NEMP1: variants seen among roughly 807,000 people sequenced by gnomAD.
The protein encoded by NEMP1 is transmembrane protein 194.
In NEMP1, 29 loss-of-function variants were observed where a neutral mutation model predicts 53.7. The ratio of observed to expected loss-of-function variants is 0.54; its 90% CI spans 0.40 to 0.74. The LOEUF (loss-of-function observed/expected upper bound fraction) is 0.74. NEMP1 is among the 30% of genes least tolerant of loss of function. The pLI is 0.00. For missense variants in NEMP1, 477 were observed against 528.6 expected (o/e 0.90, Z 0.96); for synonymous variants, 193 against 192.9 (o/e 1.00, Z 0.00).
intron 1 of NEMP1, among the ~76,000 whole-genome samples, chr12:57,084,206 C>T (rs2032929223): frequency 6.6e-6 from 1 of 152,200 alleles, no homozygotes; most frequent in Non-Finnish European, 1.5e-5. Context: ...AGGTGATCCA[C>T]CCACCTCAGC....
chr12:57,087,710 C>G (rs2033054067), intron 1 of NEMP1, among the ~76,000 whole-genome samples: 1 of 152,152 alleles, frequency 6.6e-6, no homozygotes, highest in South Asian at 2.1e-4. Context: ...AAAACCAGCC[C>G]CGGTCCACGG....
intron 1 of NEMP1, among the ~76,000 whole-genome samples, chr12:57,073,967 TA>T (rs1239174955): frequency 2.0e-5 from 3 of 150,762 alleles, no homozygotes; most frequent in East Asian, 1.9e-4. Context: ...TTTTTTATTT[TA>T]TTTTTTTATT....
chr12:57,056,337 A>T lies in NEMP1; in HGVS notation c.*3542T>A, dbSNP rs1192923327. 3 of 151,770 alleles carry T rather than the reference A, an allele frequency of 2.0e-5. No homozygotes were observed. The highest frequency in any genetic ancestry group is 4.8e-5 in the African/African-American group (2 of 41,310). The allele number at this position is 151,770 out of a possible 1,614,324, so 9.4% of individuals were successfully genotyped here. On this transcript the variant is annotated 3_prime_UTR_variant, in exon 9 of 9. Transcript: ENST00000300128. ...TTATATAGGTTCCCCTAAAAAAATAAAAAAAAAATCAATTTCTGCTATGTA... is the reference window on the plus strand; with the variant it reads ...TTATATAGGTTCCCCTAAAAAAATATAAAAAAAATCAATTTCTGCTATGTA...
chr12:57,061,174 T>A (rs954752611), intron 7 of NEMP1, among the ~76,000 whole-genome samples: 1 of 152,080 alleles, frequency 6.6e-6, no homozygotes, highest in East Asian at 1.9e-4. Flanking sequence ...AAAAAAGTGA[T>A]ATAATTTGCA....
In NEMP1 at chr12:57,058,206, C is replaced by T. The variant is rs1045641089; in HGVS notation, c.*1673G>A. The T allele has an allele frequency of 6.6e-6, 1 of 152,174 alleles. No homozygotes were observed. Among genetic ancestry groups the T allele is most frequent in the African/African-American group, 2.4e-5 (1 of 41,424 alleles). The allele number at this position is 152,174 out of a possible 1,614,324, so 9.4% of individuals were successfully genotyped here. On this transcript the variant is annotated 3_prime_UTR_variant, in exon 9 of 9. Coordinates refer to ENST00000300128, the MANE Select transcript of NEMP1 (RefSeq NM_001130963.2). ...GGACAGTTTAAGGCTCTGGAAAACA[C>T]TGGTGGAAATAATCAACTGCCCACC... is the stretch of plus-strand genomic sequence containing the variant.
intron 2 of NEMP1, among the ~76,000 whole-genome samples, chr12:57,071,107 C>G (rs537356260): frequency 6.6e-6 from 1 of 152,234 alleles, no homozygotes; most frequent in South Asian, 2.1e-4. Flanking sequence ...GTTAGAATAC[C>G]TTCTTGTTAA....
chr12:57,063,186 T>C lies in NEMP1; in HGVS notation c.913A>G (p.Ile305Val), dbSNP rs1018133844. 3.1e-6 allele frequency: 5 copies of C among 1,614,156 alleles called. No individual in the cohort carries two copies. The highest frequency in any genetic ancestry group is 4.2e-6 in the Non-Finnish European group (5 of 1,180,016). ...TTAGTACAAAGAGCAATGATGATAA[T>C]GGCAAGGGCAATATGTGGTATCTGG... ...GIQIPHIALA[I>V]IIIALCTKNL... The change falls in exon 7 of 9, where the codon ATT (isoleucine) becomes GTT (valine). Residue 305 changes from isoleucine (I) to valine (V), a missense_variant. Transcript: ENST00000300128.
chr12:57,087,854 C>T (rs1321279093), intron 1 of NEMP1: 3 of 152,266 alleles, frequency 2.0e-5, no homozygotes, highest in African/African-American at 7.2e-5. Context: ...CCCACCCCCC[C>T]TCCTTTCCCT....
At position 57,072,921 on chromosome 12, in the gene NEMP1, A is replaced by G; in HGVS notation, c.128-9T>C. ...ATTTACATCAGTTTCAGCTTTATGC[A>G]AAGAAAGGAAACAAGAATTAAACAT... On this transcript the variant is annotated splice_polypyrimidine_tract_variant and intron_variant, in intron 1 of 8. Coordinates refer to ENST00000300128, the MANE Select transcript of NEMP1 (RefSeq NM_001130963.2). The G allele has an allele frequency of 6.3e-7, 1 of 1,599,834 alleles. No individual in the cohort carries two copies. The highest frequency in any genetic ancestry group is 8.5e-7 in the Non-Finnish European group (1 of 1,172,910).
chr12:57,074,309 T>C (rs866662869), intron 1 of NEMP1, among the ~76,000 whole-genome samples: 361 of 136,752 alleles, frequency 2.6e-3, no homozygotes, highest in Middle Eastern at 4.1e-3. Flanking sequence ...TTTTTTTTTT[T>C]CAGACAGGGT....
rs1344111754 is a variant in NEMP1 at position 57,056,378 on chromosome 12, G to A, written c.*3501C>T. 2 of 152,082 alleles carry A rather than the reference G, an allele frequency of 1.3e-5. No individual in the cohort carries two copies. Among genetic ancestry groups the A allele is most frequent in the Admixed American group, 1.3e-4 (2 of 15,268 alleles). 9.4% of individuals were successfully genotyped at this position (152,082 alleles called of 1,614,324 possible). A position where few individuals can be genotyped will look rare whatever the true frequency, so the allele number is the denominator to read the frequency against. ...CTGCTATGTAGAAAAAGAAACAAAAGGTTTAGGTGCCTTTGCCTTGTGCAA... is the reference window on the plus strand; with the variant it reads ...CTGCTATGTAGAAAAAGAAACAAAAAGTTTAGGTGCCTTTGCCTTGTGCAA... On this transcript the variant is annotated 3_prime_UTR_variant, in exon 9 of 9. Transcript: ENST00000300128.
upstream of NEMP1, among the ~76,000 whole-genome samples, chr12:57,078,988 G>C (rs2032763301): frequency 6.6e-6 from 1 of 152,212 alleles, no homozygotes; most frequent in Admixed American, 6.5e-5. Context: ...GTGGCGACAG[G>C]AAGATCCCAC....
At chr12:57,086,537 C>CCA (rs958567780) in intron 1 of NEMP1, among the ~76,000 whole-genome samples, 1 of 151,246 alleles carries the variant, frequency 6.6e-6, no homozygotes, top group Admixed American at 6.6e-5. Flanking sequence ...TCCCCCCCCC[C>CCA]CACACACACA....
chr12:57,064,617 T>C (rs1168738732), intron 5 of NEMP1, 29 bp downstream of exon 5: 10 of 1,537,420 alleles, frequency 6.5e-6, no homozygotes, highest in Non-Finnish European at 8.0e-6. Flanking sequence ...AAATTCATTC[T>C]AGCTGCACAT....
intron 1 of NEMP1, among the ~76,000 whole-genome samples, chr12:57,073,140 A>G (rs1160237829): frequency 6.6e-6 from 1 of 152,116 alleles, no homozygotes; most frequent in African/African-American, 2.4e-5. Context: ...AAGTAATAAT[A>G]AAAACTACTA....
chr12:57,081,836 G>A (rs1379491046), upstream of NEMP1, among the ~76,000 whole-genome samples: 4 of 151,754 alleles, frequency 2.6e-5, no homozygotes, highest in African/African-American at 9.7e-5. Context: ...GAACCTGGGA[G>A]GCGGAACTTG....
At chr12:57,065,692 G>A (rs919416597) in intron 4 of NEMP1, among the ~76,000 whole-genome samples, 1 of 151,582 alleles carries the variant, frequency 6.6e-6, no homozygotes, top group Admixed American at 6.6e-5. Flanking sequence ...TAAAGGCAGG[G>A]TTTCACCATG....
upstream of NEMP1, among the ~76,000 whole-genome samples, chr12:57,081,768 G>C (rs1488476630): frequency 6.7e-6 from 1 of 149,786 alleles, no homozygotes; most frequent in Non-Finnish European, 1.5e-5. Context: ...TTAGTCGGGC[G>C]TGGTGGCAGG....
At chr12:57,078,846 A>C (rs1592521102), upstream of NEMP1, 17 of 1,363,846 alleles carry the variant, frequency 1.2e-5, no homozygotes, top group East Asian at 2.4e-4. Context: ...GCCCCTATCA[A>C]CCAATGGGAT....
Sources: gnomAD v4.1 joint callset for allele counts (sites outside exome capture counted in the v4.1 genomes callset) on GRCh38, gnomAD v4.1.1 for gene constraint, MANE v1.5 for transcripts, NCBI Gene and HGNC (gene_info 2026-07-23, HGNC 2026-07-21) for gene names.